ALPK1: variants seen among roughly 807,000 people sequenced by gnomAD.
ALPK1 encodes the protein alpha kinase 1.
Under a neutral mutation model 120.6 loss-of-function variants are expected in ALPK1, and 110 were observed. The ratio of observed to expected loss-of-function variants is 0.91; its 90% CI spans 0.78 to 1.07. The LOEUF (loss-of-function observed/expected upper bound fraction) is 1.07, where lower values mean the gene tolerates loss of function less well. Among genes scored for constraint, ALPK1 ranks in the 50% least tolerant of loss-of-function variants. ALPK1 has a pLI of 0.00. For synonymous variants in ALPK1, 582 were observed against 560.3 expected (o/e 1.04, Z -0.55); for missense variants, 1,498 against 1,483.9 (o/e 1.01, Z -0.16).
chr4:112,358,114 G>C, intron 2 of ALPK1: 1 of 596,948 alleles, frequency 1.7e-6, no homozygotes, highest in Non-Finnish European at 3.2e-6. Flanking sequence ...TGAAGGGCCA[G>C]GTTGGGGCTG....
At chr4:112,370,433 T>C (rs1272248011) in intron 2 of ALPK1, among the ~76,000 whole-genome samples, 1 of 151,924 alleles carries the variant, frequency 6.6e-6, no homozygotes, top group African/African-American at 2.4e-5. Flanking sequence ...GGAGGGATGT[T>C]AAAAGAGAAA....
intron 2 of ALPK1, among the ~76,000 whole-genome samples, chr4:112,363,336 A>G (rs193273118): frequency 3.3e-5 from 5 of 152,326 alleles, no homozygotes; most frequent in African/African-American, 9.6e-5. Flanking sequence ...AAGGACTCAC[A>G]TAAACTTAAG....
At position 112,346,290 on chromosome 4, in the gene ALPK1, A is replaced by G. The variant is rs552047209; in HGVS notation, c.-101+30438A>G. On this transcript the variant is annotated intron_variant, in intron 2 of 15. Coordinates refer to ENST00000650871, the MANE Select transcript of ALPK1 (RefSeq NM_025144.4). ...AAATCATGGGACTTTGAGTTTTAAG[A>G]AAGGAAATTCATTATTTGAGTCTCA... Among the ~76,000 whole-genome samples the G allele has an allele frequency of 5.3e-5, 8 of 152,364 alleles. No homozygotes were observed. In the East Asian group the frequency reaches 1.3e-3, roughly 26 times the overall value.
intron 4 of ALPK1, chr4:112,383,755 G>A (rs1472012716): frequency 1.3e-5 from 2 of 152,120 alleles, no homozygotes; most frequent in East Asian, 3.8e-4. Context: ...GACTTACAAA[G>A]GAGTTGCCCC....
chr4:112,382,605 G>A (rs1429140792), intron 4 of ALPK1, 53 bp downstream of exon 4: 1 of 1,612,926 alleles, frequency 6.2e-7, no homozygotes, highest in East Asian at 2.2e-5. Flanking sequence ...GAGGCATTTA[G>A]ACTCTAAGTG....
Position 112,426,551 on chromosome 4 carries a change from G to T in ALPK1, c.699+8G>T, listed in dbSNP as rs754593154. ...CCTCAGCCGGATAAAAAGGTGGTTT[G>T]TCTAGTGCTTCTTTTTCTCCTTTCC... On this transcript the variant is annotated splice_region_variant and intron_variant, in intron 8 of 15. Coordinates refer to ENST00000650871, the MANE Select transcript of ALPK1 (RefSeq NM_025144.4). 27 of 1,537,442 alleles carry T rather than the reference G, an allele frequency of 1.8e-5. No individual in the cohort carries two copies. Among genetic ancestry groups the T allele is most frequent in the Non-Finnish European group, 2.3e-5 (26 of 1,146,934 alleles).
intron 4 of ALPK1, chr4:112,411,610 G>T: frequency 1.7e-6 from 1 of 587,842 alleles, no homozygotes; most frequent in South Asian, 2.1e-5. Context: ...TTTTATAAAT[G>T]TAATGGGGGA....
intron 7 of ALPK1, chr4:112,426,013 C>G: frequency 3.2e-6 from 1 of 313,920 alleles, no homozygotes; most frequent in Non-Finnish European, 6.0e-6. Flanking sequence ...AGTGTTATTT[C>G]TAGCATCTGA....
At chr4:112,350,505 G>A (rs569420176) in intron 2 of ALPK1, among the ~76,000 whole-genome samples, 5 of 152,282 alleles carry the variant, frequency 3.3e-5, no homozygotes, top group South Asian at 2.1e-4. Flanking sequence ...GCGCATTTCC[G>A]TTGCCTCACC....
chr4:112,374,693 G>A (rs185395330), intron 2 of ALPK1, among the ~76,000 whole-genome samples: 66 of 152,066 alleles, frequency 4.3e-4, no homozygotes, highest in African/African-American at 1.3e-3. Flanking sequence ...TTGACCCATG[G>A]GCTGTAGAAT....
chr4:112,432,791 T>C (rs1176119290), intron 11 of ALPK1, among the ~76,000 whole-genome samples: 1 of 152,148 alleles, frequency 6.6e-6, no homozygotes, highest in Non-Finnish European at 1.5e-5. Flanking sequence ...TCAGGCTACC[T>C]TGCATGCTGG....
At chr4:112,423,890 T>A (rs773792570) in intron 5 of ALPK1, 54 bp from the exon 6 acceptor site, 5 of 1,566,088 alleles carry the variant, frequency 3.2e-6, no homozygotes, top group Non-Finnish European at 4.4e-6. Context: ...CAACTTGTAA[T>A]TGTTAAGTGC....
intron 4 of ALPK1, among the ~76,000 whole-genome samples, chr4:112,392,674 A>T (rs1042999763): frequency 6.6e-6 from 1 of 152,102 alleles, no homozygotes; most frequent in African/African-American, 2.4e-5. Flanking sequence ...CTACAGGTGC[A>T]TGTCACCATG....
intron 2 of ALPK1, chr4:112,359,140 C>A: frequency 1.5e-6 from 1 of 684,896 alleles, no homozygotes; most frequent in South Asian, 1.5e-5. Context: ...CAGCTGGATC[C>A]CAGAGAGCAC....
intron 2 of ALPK1, among the ~76,000 whole-genome samples, chr4:112,335,281 A>G (rs1018545085): frequency 6.6e-6 from 1 of 151,730 alleles, no homozygotes; most frequent in African/African-American, 2.4e-5. Context: ...AAAAAAAAAA[A>G]GATACTTTTT....
chr4:112,394,015 G>A (rs1254847752), intron 4 of ALPK1, among the ~76,000 whole-genome samples: 2 of 152,156 alleles, frequency 1.3e-5, no homozygotes, highest in Non-Finnish European at 1.5e-5. Context: ...CAAAGCTGGA[G>A]AGAAATTCAG....
chr4:112,429,114 A>T, intron 9 of ALPK1, 35 bp from the exon 10 acceptor site: 1 of 1,567,982 alleles, frequency 6.4e-7, no homozygotes, highest in Non-Finnish European at 8.8e-7. Context: ...ATAATTAATT[A>T]TCACCATTCC....
In ALPK1 at chr4:112,298,942, G is replaced by C. The variant is rs1249265074; in HGVS notation, c.-153+1473G>C. Among the ~76,000 whole-genome samples, 3 of 152,062 alleles carry C rather than the reference G, an allele frequency of 2.0e-5. No individual in the cohort carries two copies. The East Asian group carries it at 5.8e-4, about 29-fold the overall frequency. On this transcript the variant is annotated intron_variant, in intron 1 of 15. Coordinates refer to ENST00000650871, the MANE Select transcript of ALPK1 (RefSeq NM_025144.4). ...TGCTTTTATTATTCTCTAATCTATT[G>C]CAGAGAATGATGGCTTTTTGGCATA...
At position 112,380,743 on chromosome 4, in the gene ALPK1, C is replaced by T. The variant is rs75169614; in HGVS notation, c.122-1655C>T. Among the ~76,000 whole-genome samples, 444 of 151,956 alleles carry T rather than the reference C, an allele frequency of 2.9e-3. 6 individuals carry two copies. The highest frequency in any genetic ancestry group is 0.01 in the African/African-American group (427 of 41,422). ...TCAAAGGGCCAGCTAGAAGATGAAC[C>T]TTGTCTTTTAATCATACTGGTCTTT... On this transcript the variant is annotated intron_variant, in intron 3 of 15. Transcript: ENST00000650871.
Sources: allele counts gnomAD v4.1 joint callset (sites outside exome capture counted in the v4.1 genomes callset), GRCh38; gene constraint gnomAD v4.1.1; transcripts MANE v1.5; gene names NCBI Gene and HGNC (gene_info 2026-07-23, HGNC 2026-07-21).